The following PRDM2 variants were observed in gnomAD, a reference collection of about 807,000 sequenced individuals.
PRDM2 encodes PR/SET domain 2, also known as PR domain zinc finger protein 2.
Under a neutral mutation model 130.0 loss-of-function variants are expected in PRDM2, and 30 were observed. The observed-to-expected ratio is 0.23, with a 90% CI of 0.17 to 0.31. The LOEUF (loss-of-function observed/expected upper bound fraction) is 0.31, where lower values mean the gene tolerates loss of function less well. PRDM2 is among the 10% of genes least tolerant of loss of function. The pLI, the probability that PRDM2 is intolerant of heterozygous loss-of-function variation, is 1.00. For missense variants in PRDM2, 2,011 were observed against 2,108.4 expected (o/e 0.95, Z 0.90); for synonymous variants, 871 against 782.4 (o/e 1.11, Z -1.89).
intron 2 of PRDM2, among the ~76,000 whole-genome samples, chr1:13,726,854 C>T (rs1030438044): frequency 6.6e-6 from 1 of 151,776 alleles, no homozygotes; most frequent in African/African-American, 2.4e-5. Context: ...GTGTTAAAAA[C>T]CCATGAGACA....
At chr1:13,710,522 TAA>T (rs1642336686) in intron 1 of PRDM2, among the ~76,000 whole-genome samples, 2 of 152,240 alleles carry the variant, frequency 1.3e-5, no homozygotes, top group African/African-American at 4.8e-5. Context: ...CTCATGTTAT[TAA>T]AAATGTTAGA....
At chr1:13,716,502 A>G (rs751716976) in intron 2 of PRDM2, among the ~76,000 whole-genome samples, 4 of 152,238 alleles carry the variant, frequency 2.6e-5, no homozygotes, top group Non-Finnish European at 5.9e-5. Context: ...AGAGACTGCA[A>G]ATGATCAAAG....
At chr1:13,813,759 A>T (rs1382857875) in intron 8 of PRDM2, among the ~76,000 whole-genome samples, 1 of 151,856 alleles carries the variant, frequency 6.6e-6, no homozygotes, top group East Asian at 1.9e-4. Context: ...CCCCCGACCT[A>T]CTCGTTCCAC....
chr1:13,736,093 A>G (rs1429332414), intron 4 of PRDM2, among the ~76,000 whole-genome samples: 1 of 148,590 alleles, frequency 6.7e-6, no homozygotes, highest in Non-Finnish European at 1.5e-5. Flanking sequence ...CTACTTATTT[A>G]CGTTATTGTT....
rs1230176035 is a variant in PRDM2, at chr1:13,779,238, ACTT to A, written c.1445_1447del (p.Leu482del). The A allele has an allele frequency of 4.3e-6, 7 of 1,614,038 alleles. No homozygotes were observed. Among genetic ancestry groups the A allele is most frequent in the Non-Finnish European group, 5.9e-6 (7 of 1,180,030 alleles). On this transcript the variant is annotated inframe_deletion, in exon 8 of 10. Coordinates refer to ENST00000311066, the MANE Select transcript of PRDM2 (RefSeq NM_001393986.1). This position sits in a 1 kb window ranked among gnomAD's most constrained non-coding sequence, Gnocchi z 4.9. ...TAGAAGAGAATGGGGAAGTTAAAGA[ACTT>A]CATCCGTGCAAATATTGTAAAAAGG... is the stretch of plus-strand genomic sequence containing the variant.
chr1:13,728,053 C>T (rs1569767236), intron 2 of PRDM2, among the ~76,000 whole-genome samples: 1 of 152,150 alleles, frequency 6.6e-6, no homozygotes. Context: ...AGAAGAATAC[C>T]TACCTCAATT....
Position 13,823,314 on chromosome 1 carries a change from C to T in PRDM2, c.*179C>T, listed in dbSNP as rs937226490. On this transcript the variant is annotated 3_prime_UTR_variant, in exon 10 of 10. Transcript: ENST00000311066. ...GCGTGTGTGTTCACGTGTTCTCGTG[C>T]GGGCGCGTGAGTGGTCTTCAAACGA... 1.3e-4 allele frequency: 146 copies of T among 1,124,458 alleles called. No homozygotes were observed. The highest frequency in any genetic ancestry group is 2.3e-4 in the Middle Eastern group (1 of 4,412). 69.7% of individuals were successfully genotyped at this position (1,124,458 alleles called of 1,614,324 possible). A position where few individuals can be genotyped will look rare whatever the true frequency, so the allele number is the denominator to read the frequency against.
intron 8 of PRDM2, among the ~76,000 whole-genome samples, chr1:13,786,269 T>C (rs940489607): frequency 7.7e-5 from 10 of 129,830 alleles, no homozygotes; most frequent in African/African-American, 2.7e-4. Context: ...CAGGAATTGA[T>C]TTAAAAAAAA....
intron 9 of PRDM2, among the ~76,000 whole-genome samples, chr1:13,821,757 G>A (rs1287176236): frequency 3.3e-5 from 5 of 152,026 alleles, no homozygotes; most frequent in Non-Finnish European, 5.9e-5. Context: ...GTGAGCCACC[G>A]CGCCCAGCCT....
At chr1:13,742,650 C>T (rs879296810) in intron 5 of PRDM2, among the ~76,000 whole-genome samples, 3 of 152,204 alleles carry the variant, frequency 2.0e-5, no homozygotes, top group Non-Finnish European at 2.9e-5. Context: ...GGAGCTAAAG[C>T]ATGAAGATCG....
In PRDM2 at chr1:13,823,539, T is replaced by C. The variant is rs1645386802; in HGVS notation, c.*404T>C. On this transcript the variant is annotated 3_prime_UTR_variant, in exon 10 of 10. Transcript: ENST00000311066. ...GTTGTCTTTTGCCATTATGGGGACT[T>C]TGGTTTGACCCAGGGGTCAGCCTTA... The C allele has an allele frequency of 3.8e-6, 1 of 260,476 alleles. No individual in the cohort carries two copies. Among genetic ancestry groups the C allele is most frequent in the South Asian group, 5.7e-5 (1 of 17,640 alleles). The allele number at this position is 260,476 out of a possible 1,614,324, so 16.1% of individuals were successfully genotyped here.
At chr1:13,714,732 A>C (rs1321732527) in intron 1 of PRDM2, among the ~76,000 whole-genome samples, 1 of 152,232 alleles carries the variant, frequency 6.6e-6, no homozygotes, top group East Asian at 1.9e-4. Flanking sequence ...AAGTGCATAA[A>C]GAAATAGGAG....
chr1:13,804,678 T>C (rs1645060960), intron 8 of PRDM2, among the ~76,000 whole-genome samples: 1 of 152,156 alleles, frequency 6.6e-6, no homozygotes, highest in African/African-American at 2.4e-5. Context: ...CCTTTTAAAA[T>C]TCCCAATGCC....
At position 13,816,276 on chromosome 1, in the gene PRDM2, A is replaced by G. The variant is rs556396211; in HGVS notation, c.5037-151A>G. Reference sequence around the variant, plus strand: ...GTTAAAGCTCATGTCCTATTAGCTGATGCCAGGCACCTGGCCTCAAGGTGT... The same window carrying G: ...GTTAAAGCTCATGTCCTATTAGCTGGTGCCAGGCACCTGGCCTCAAGGTGT... On this transcript the variant is annotated intron_variant, in intron 8 of 9. Transcript: ENST00000311066. 8 of 885,486 alleles carry G rather than the reference A, an allele frequency of 9.0e-6. No homozygotes were observed. In the South Asian group the frequency reaches 9.8e-5, roughly 11 times the overall value. The allele number at this position is 885,486 out of a possible 1,614,324, so 54.9% of individuals were successfully genotyped here.
chr1:13,713,172 T>C (rs187218700), intron 1 of PRDM2, among the ~76,000 whole-genome samples: 1 of 152,334 alleles, frequency 6.6e-6, no homozygotes, highest in East Asian at 1.9e-4. Flanking sequence ...CATAACTCTT[T>C]ATTTTTTTCT....
chr1:13,724,497 CTTT>C (rs749027235), intron 2 of PRDM2, among the ~76,000 whole-genome samples: 3 of 129,742 alleles, frequency 2.3e-5, no homozygotes, highest in Non-Finnish European at 3.3e-5. Flanking sequence ...CTTTTCATGG[CTTT>C]TTTTTTTTTT....
chr1:13,721,384 TTTATC>T (rs1273226915), intron 2 of PRDM2, among the ~76,000 whole-genome samples: 2 of 151,898 alleles, frequency 1.3e-5, no homozygotes, highest in Non-Finnish European at 2.9e-5. Context: ...CTTTCACTGT[TTTATC>T]ATATTATTAA....
intron 2 of PRDM2, among the ~76,000 whole-genome samples, chr1:13,728,785 TC>T (rs1643007757): frequency 6.6e-6 from 1 of 152,148 alleles, no homozygotes; most frequent in Non-Finnish European, 1.5e-5. Flanking sequence ...TATTTCTTTT[TC>T]CCATGGCTTC....
chr1:13,782,152 T>C lies in PRDM2; in HGVS notation c.4357T>C (p.Ser1453Pro). The C allele has an allele frequency of 1.2e-6, 2 of 1,613,848 alleles. No homozygotes were observed. Among genetic ancestry groups the C allele is most frequent in the Non-Finnish European group, 1.7e-6 (2 of 1,180,006 alleles). Residue 1453 changes from serine to proline, a missense_variant, in exon 8 of 10, where the codon TCC (serine) becomes CCC (proline). Physicochemically the swap from Ser to Pro is moderately conservative, Grantham distance 74. Transcript: ENST00000311066. Reference sequence around the variant, plus strand: ...CGACTTGAAAAATGCTTGTGAGTCATCCTCTCACATCTGCCCTTACTGTAA... The same window carrying C: ...CGACTTGAAAAATGCTTGTGAGTCACCCTCTCACATCTGCCCTTACTGTAA... ...KADLKNACES[S>P]SHICPYCNRE...
Sources: allele counts gnomAD v4.1 joint callset (sites outside exome capture counted in the v4.1 genomes callset), GRCh38; gene constraint gnomAD v4.1.1; non-coding constraint Gnocchi (gnomAD v3.1); transcripts MANE v1.5; gene names NCBI Gene and HGNC (gene_info 2026-07-23, HGNC 2026-07-21).